CADM2: variants seen among roughly 807,000 people sequenced by gnomAD.
The protein encoded by CADM2 is immunoglobulin superfamily member 4D.
Under a neutral mutation model 49.8 loss-of-function variants are expected in CADM2, and 12 were observed. That is an observed-to-expected ratio of 0.24 (90% confidence interval 0.15 to 0.39). The LOEUF is 0.39. CADM2 is among the 10% of genes least tolerant of loss of function. The pLI is 1.00. For synonymous variants in CADM2, 214 were observed against 175.4 expected, an observed-to-expected ratio of 1.22 and a Z score of -1.74; for missense variants, 378 against 492.3, an observed-to-expected ratio of 0.77 and a Z score of 2.20.
rs1321500743 is a variant in CADM2, at chr3:84,959,397, A to G, written c.-211A>G. 9 of 579,600 alleles carry G rather than the reference A, an allele frequency of 1.6e-5. No individual in the cohort carries two copies. The highest frequency in any genetic ancestry group is 2.5e-5 in the Non-Finnish European group (8 of 325,974). The allele number at this position is 579,600 out of a possible 1,614,324, so 35.9% of individuals were successfully genotyped here. A position where few individuals can be genotyped will look rare whatever the true frequency, so the allele number is the denominator to read the frequency against. On this transcript the variant is annotated 5_prime_UTR_variant, in exon 1 of 10. Transcript: ENST00000383699. ...AGCAGGAGGAGGAGGAGAAGAAACT[A>G]TTTCGCGATACCCCATTCTGCGGGT...
intron 1 of CADM2, among the ~76,000 whole-genome samples, chr3:85,720,749 T>G (rs1311220310): frequency 6.6e-6 from 1 of 152,134 alleles, no homozygotes; most frequent in Non-Finnish European, 1.5e-5. Flanking sequence ...AAAATGTGTT[T>G]AACTTTGTGT....
intron 1 of CADM2, among the ~76,000 whole-genome samples, chr3:85,506,766 G>A (rs1322690441): frequency 1.3e-5 from 2 of 151,950 alleles, no homozygotes; most frequent in African/African-American, 4.8e-5. Context: ...CTTTTTAACT[G>A]ATATATACTT....
intron 2 of CADM2, among the ~76,000 whole-genome samples, chr3:85,783,280 G>A (rs745967988): frequency 1.3e-5 from 2 of 152,136 alleles, no homozygotes; most frequent in Admixed American, 6.5e-5. Flanking sequence ...AGTAGCAAAT[G>A]CACAAAAATA....
chr3:85,315,328 A>T (rs1353131288), intron 1 of CADM2, among the ~76,000 whole-genome samples: 1 of 152,176 alleles, frequency 6.6e-6, no homozygotes, highest in African/African-American at 2.4e-5. Flanking sequence ...CATCATCTTG[A>T]CGAATATATG....
chr3:85,753,959 G>T (rs1202838928), intron 2 of CADM2, among the ~76,000 whole-genome samples: 1 of 152,116 alleles, frequency 6.6e-6, no homozygotes, highest in African/African-American at 2.4e-5. Flanking sequence ...TTGACTTGGG[G>T]TTTTATAGGT....
intron 1 of CADM2, among the ~76,000 whole-genome samples, chr3:85,719,009 T>G (rs747757524): frequency 4.6e-5 from 7 of 151,598 alleles, no homozygotes; most frequent in Non-Finnish European, 8.8e-5. Flanking sequence ...ACTTTTCACA[T>G]TCAAGCAATT....
intron 1 of CADM2, among the ~76,000 whole-genome samples, chr3:85,178,210 A>G (rs550740254): frequency 1.3e-5 from 2 of 152,082 alleles, no homozygotes; most frequent in East Asian, 3.9e-4. Flanking sequence ...TGGCTAACGC[A>G]TATTTCAATG....
chr3:85,043,082 T>G (rs1364351888), intron 1 of CADM2, among the ~76,000 whole-genome samples: 3 of 152,052 alleles, frequency 2.0e-5, no homozygotes, highest in East Asian at 3.9e-4. Context: ...TGGGAGATAT[T>G]GGGTGGGGGG....
intron 5 of CADM2, among the ~76,000 whole-genome samples, chr3:85,887,087 T>C (rs566225767): frequency 6.6e-6 from 1 of 152,180 alleles, no homozygotes; most frequent in Non-Finnish European, 1.5e-5. Flanking sequence ...TTTATCTATT[T>C]ATTTTTAAGA....
chr3:85,795,047 T>C (rs2071543273), intron 2 of CADM2, among the ~76,000 whole-genome samples: 1 of 152,130 alleles, frequency 6.6e-6, no homozygotes, highest in Non-Finnish European at 1.5e-5. Flanking sequence ...AAATATTCCA[T>C]CAAGCTAATT....
chr3:85,011,845 C>G (rs1441589133), intron 1 of CADM2, among the ~76,000 whole-genome samples: 2 of 151,260 alleles, frequency 1.3e-5, no homozygotes, highest in Non-Finnish European at 2.9e-5. Context: ...GCACTACAAC[C>G]GGGGTTACAA....
intron 1 of CADM2, among the ~76,000 whole-genome samples, chr3:85,590,377 G>T (rs1215971795): frequency 6.6e-6 from 1 of 151,902 alleles, no homozygotes. Context: ...TATAGTACTT[G>T]ACCTCAATGA....
chr3:85,906,390 A>G (rs987619238), intron 5 of CADM2, among the ~76,000 whole-genome samples: 1 of 152,152 alleles, frequency 6.6e-6, no homozygotes, highest in Non-Finnish European at 1.5e-5. Flanking sequence ...TAATATTTAG[A>G]TAAATGAAGT....
At chr3:85,163,217 A>C (rs1325238455) in intron 1 of CADM2, among the ~76,000 whole-genome samples, 1 of 152,146 alleles carries the variant, frequency 6.6e-6, no homozygotes, top group Non-Finnish European at 1.5e-5. Flanking sequence ...CCTCTAGTCC[A>C]TGTAGACTGA....
chr3:85,043,110 A>G (rs1480812266), intron 1 of CADM2, among the ~76,000 whole-genome samples: 1 of 152,050 alleles, frequency 6.6e-6, no homozygotes, highest in Admixed American at 6.6e-5. Flanking sequence ...AGTGGAAGAT[A>G]AGGGTTATTT....
At chr3:85,648,011 A>T (rs2064938300) in intron 1 of CADM2, among the ~76,000 whole-genome samples, 1 of 151,488 alleles carries the variant, frequency 6.6e-6, no homozygotes, top group Non-Finnish European at 1.5e-5. Flanking sequence ...TCTTTCTTTT[A>T]TGTGCAATTG....
intron 1 of CADM2, among the ~76,000 whole-genome samples, chr3:85,430,535 T>C (rs1194395958): frequency 6.6e-6 from 1 of 150,560 alleles, no homozygotes. Flanking sequence ...AATAATAATA[T>C]TGGAAGTGGA....
At chr3:85,412,121 T>G (rs2035683151) in intron 1 of CADM2, among the ~76,000 whole-genome samples, 1 of 152,122 alleles carries the variant, frequency 6.6e-6, no homozygotes, top group African/African-American at 2.4e-5. Context: ...TGAGCCAACA[T>G]GCCGGGCCCA....
chr3:85,217,840 C>A (rs2041962364), intron 1 of CADM2, among the ~76,000 whole-genome samples: 1 of 151,950 alleles, frequency 6.6e-6, no homozygotes, highest in African/African-American at 2.4e-5. Context: ...GTAGTAGATT[C>A]TTAATCCATT....
Sources: gnomAD v4.1 joint callset for allele counts (sites outside exome capture counted in the v4.1 genomes callset) on GRCh38, gnomAD v4.1.1 for gene constraint, MANE v1.5 for transcripts, NCBI Gene and HGNC (gene_info 2026-07-23, HGNC 2026-07-21) for gene names.